Variants in THSD1 observed in about 807,000 individuals in gnomAD.
The protein encoded by THSD1 is thrombospondin type-1 domain-containing protein 1.
In THSD1, 34 loss-of-function variants were observed where a neutral mutation model predicts 46.3. The ratio of observed to expected loss-of-function variants is 0.74; its 90% confidence interval spans 0.56 to 0.98. THSD1 has a LOEUF of 0.98. THSD1 is among the 50% of genes least tolerant of loss of function. The probability of loss-of-function intolerance (pLI) is 0.00; values close to 1 mark genes in which losing one functional copy is unlikely to be tolerated. For missense variants in THSD1, 1,023 were observed against 1,058.3 expected (o/e 0.97, Z 0.46); for synonymous variants, 407 against 416.5 (o/e 0.98, Z 0.28).
rs757164033 is a variant in THSD1 at position 52,378,318 on chromosome 13, A to C, written c.1652T>G (p.Val551Gly). The change falls in exon 5 of 5, where the codon GTG becomes GGG. Residue 551 changes from valine (V) to glycine (G), a missense_variant. Transcript: ENST00000258613. ...CAGGGGACTCTGAGACACGTGATACACTTTGGTAGTTTCCGTCAGACCTTT... is the reference window on the plus strand; with the variant it reads ...CAGGGGACTCTGAGACACGTGATACCCTTTGGTAGTTTCCGTCAGACCTTT... ...KKKGLTETTK[V>G]YHVSQSPLTD... 6.2e-7 allele frequency: 1 copy of C among 1,614,150 alleles called. No homozygotes were observed. Among genetic ancestry groups the C allele is most frequent in the Admixed American group, 1.7e-5 (1 of 60,024 alleles).
chr13:52,399,892 G>A (rs1278773669), intron 2 of THSD1: 1 of 153,626 alleles, frequency 6.5e-6, no homozygotes, highest in Non-Finnish European at 1.5e-5. Context: ...AAGTGCTTAA[G>A]ACTGAGAACA....
chr13:52,390,179 T>C (rs1405681192), intron 3 of THSD1, among the ~76,000 whole-genome samples: 1 of 151,724 alleles, frequency 6.6e-6, no homozygotes, highest in Non-Finnish European at 1.5e-5. Context: ...ATTCTGTCTA[T>C]CAGTACCCAT....
intron 2 of THSD1, chr13:52,400,105 A>T (rs1322828506): frequency 6.5e-6 from 1 of 153,236 alleles, no homozygotes; most frequent in East Asian, 1.9e-4. Context: ...TTAAAAAAAA[A>T]AAAAAAGCAG....
chr13:52,385,761 A>C (rs1469506603), intron 4 of THSD1, among the ~76,000 whole-genome samples: 1 of 152,182 alleles, frequency 6.6e-6, no homozygotes, highest in South Asian at 2.1e-4. Context: ...AAATTATTTA[A>C]TATGTCTGAA....
intron 1 of THSD1, 51 bp downstream of exon 1, chr13:52,405,974 CCTCCAA>C (rs1246922946): frequency 3.3e-5 from 5 of 152,262 alleles, no homozygotes; most frequent in Non-Finnish European, 7.3e-5. Context: ...CCCAGAGGAG[CCTCCAA>C]GAGTCTCGCG....
At chr13:52,404,291 A>C (rs1266841147) in intron 1 of THSD1, among the ~76,000 whole-genome samples, 1 of 152,182 alleles carries the variant, frequency 6.6e-6, no homozygotes, top group Admixed American at 6.5e-5. Context: ...TTCCAAATAC[A>C]TGTTACATCT....
intron 2 of THSD1, 85 bp from the exon 3 acceptor site, chr13:52,398,279 AT>A (rs375167002): frequency 6.8e-5 from 102 of 1,506,762 alleles, no homozygotes; most frequent in Admixed American, 1.5e-4. Flanking sequence ...GAATTTTTAA[AT>A]TTTTTTTTGA....
At position 52,378,239 on chromosome 13, in the gene THSD1, C is replaced by G; in HGVS notation, c.1731G>C (p.Pro577=). ...APSAPLDLES[P]EEAAANKFRI... is the part of the protein sequence containing the mutation. ...GGAACTTGTTTGCTGCAGCTTCTTC[C>G]GGGCTTTCCAAATCTAAGGGAGCGC... Residue 577 remains proline, a synonymous_variant, in exon 5 of 5, where the codon CCG becomes CCC. Coordinates refer to ENST00000258613, the MANE Select transcript of THSD1 (RefSeq NM_018676.4). 6.2e-7 allele frequency: 1 copy of G among 1,614,196 alleles called. No homozygotes were observed. Among genetic ancestry groups the G allele is most frequent in the Non-Finnish European group, 8.5e-7 (1 of 1,180,032 alleles).
chr13:52,383,232 T>C (rs1037572570), intron 4 of THSD1, among the ~76,000 whole-genome samples: 2 of 152,174 alleles, frequency 1.3e-5, no homozygotes, highest in Admixed American at 1.3e-4. Flanking sequence ...TGCATAGTGC[T>C]CATAAACACT....
At chr13:52,402,707 T>C in intron 1 of THSD1, 26 bp from the exon 2 acceptor site, 3 of 1,538,594 alleles carry the variant, frequency 1.9e-6, no homozygotes, top group Non-Finnish European at 2.6e-6. Context: ...CAAAAAATGA[T>C]GGCTCCGTTC....
intron 3 of THSD1, among the ~76,000 whole-genome samples, chr13:52,387,178 A>G (rs1033193429): frequency 3.9e-5 from 6 of 152,218 alleles, no homozygotes; most frequent in African/African-American, 7.2e-5. Flanking sequence ...GTGGGACAGA[A>G]GCATGGAGGA....
chr13:52,398,080 T>C lies in THSD1; in HGVS notation c.173A>G (p.Asn58Ser). Residue 58 changes from asparagine to serine, a missense_variant, in exon 3 of 5, where the codon AAT becomes AGT. Around this residue, in one of 3 missense-constraint regions of THSD1, gnomAD observed 429 missense variants for 518.3 expected, o/e 0.83. Transcript: ENST00000258613. ...YFDGANGTLR[N>S]VSVLLLEANT... ...GGCCTCCAACAGCAGGACAGATACA[T>C]TCCTCAGTGTCCCATTAGCACCATC... is the stretch of plus-strand genomic sequence containing the variant. 6.2e-7 allele frequency: 1 copy of C among 1,614,180 alleles called. No homozygotes were observed. The highest frequency in any genetic ancestry group is 8.5e-7 in the Non-Finnish European group (1 of 1,180,030).
At chr13:52,392,190 C>CAAAAAAAAAAA in intron 3 of THSD1, among the ~76,000 whole-genome samples, 1 of 69,710 alleles carries the variant, frequency 1.4e-5, no homozygotes, top group Non-Finnish European at 2.6e-5. Context: ...AGACTCCTCT[C>CAAAAAAAAAAA]AAAAAAAAAA....
At chr13:52,384,941 A>C (rs2137729297) in intron 4 of THSD1, among the ~76,000 whole-genome samples, 1 of 152,250 alleles carries the variant, frequency 6.6e-6, no homozygotes, top group East Asian at 1.9e-4. Flanking sequence ...AATAAGAAAA[A>C]AAAAAATAGG....
rs1301839937 is a variant in THSD1 at position 52,378,226 on chromosome 13, C to T, written c.1744G>A (p.Ala582Thr). The change falls in exon 5 of 5, where the codon GCA (alanine) becomes ACA (threonine). Residue 582 changes from alanine (A) to threonine (T), a missense_variant. Ala to Thr is a moderately conservative substitution (Grantham distance 58, BLOSUM62 0). This residue lies in a region of THSD1 where 578 missense variants were observed against 497.4 expected (regional missense o/e 1.16). Transcript: ENST00000258613. ...LDLESPEEAA[A>T]NKFRIKSPFP... is the part of the protein sequence containing the mutation. ...GGGGATTTGATCCGGAACTTGTTTGCTGCAGCTTCTTCCGGGCTTTCCAAA... is the reference window on the plus strand; with the variant it reads ...GGGGATTTGATCCGGAACTTGTTTGTTGCAGCTTCTTCCGGGCTTTCCAAA... 2.5e-6 allele frequency: 4 copies of T among 1,614,234 alleles called. No homozygotes were observed. The highest frequency in any genetic ancestry group is 3.4e-6 in the Non-Finnish European group (4 of 1,180,052).
chr13:52,379,020 G>A (rs1283419003), intron 4 of THSD1, among the ~76,000 whole-genome samples: 1 of 151,562 alleles, frequency 6.6e-6, no homozygotes, highest in South Asian at 2.1e-4. Context: ...GCACCACCAC[G>A]CCTGGCTAAT....
chr13:52,391,805 A>T (rs1172377253), intron 3 of THSD1, among the ~76,000 whole-genome samples: 1 of 152,036 alleles, frequency 6.6e-6, no homozygotes, highest in Non-Finnish European at 1.5e-5. Flanking sequence ...GGCCTCTCAA[A>T]GTGCTGGGAT....
At chr13:52,398,673 ATAGT>A in intron 2 of THSD1, 1 of 890,538 alleles carries the variant, frequency 1.1e-6, no homozygotes, top group African/African-American at 1.8e-5. Context: ...TTCATCTTTC[ATAGT>A]TAGGTTTAAA....
intron 4 of THSD1, among the ~76,000 whole-genome samples, chr13:52,379,973 C>T (rs777748076): frequency 6.6e-6 from 1 of 152,114 alleles, no homozygotes; most frequent in Non-Finnish European, 1.5e-5. Context: ...ATACATAATA[C>T]AACTCATTTC....
Sources: allele counts gnomAD v4.1 joint callset (sites outside exome capture counted in the v4.1 genomes callset), GRCh38; gene constraint gnomAD v4.1.1; regional missense constraint gnomAD v4.1.1; transcripts MANE v1.5; gene names NCBI Gene and HGNC (gene_info 2026-07-23, HGNC 2026-07-21).